The following SLC12A8 variants were observed in gnomAD, a reference collection of about 807,000 sequenced individuals.
SLC12A8 encodes the protein solute carrier family 12 member 8.
In SLC12A8, 69 loss-of-function variants were observed where a neutral mutation model predicts 75.6. The ratio of observed to expected loss-of-function variants is 0.91; its 90% CI spans 0.75 to 1.11. The LOEUF (loss-of-function observed/expected upper bound fraction) is 1.11. Ranked by LOEUF, SLC12A8 falls within the 50% of genes most tolerant of loss-of-function variation. The pLI, the probability that SLC12A8 is intolerant of heterozygous loss-of-function variation, is 0.00. For missense variants in SLC12A8, 877 were observed against 896.7 expected (o/e 0.98, Z 0.28); for synonymous variants, 365 against 372.8 (o/e 0.98, Z 0.24).
chr3:125,093,405 C>T (rs926031108), intron 10 of SLC12A8, among the ~76,000 whole-genome samples: 1 of 152,142 alleles, frequency 6.6e-6, no homozygotes, highest in African/African-American at 2.4e-5. Flanking sequence ...TTCTTCACTA[C>T]GGTCCAAATC....
chr3:125,180,425 GCTACCAC>G (rs1380758545), intron 4 of SLC12A8, among the ~76,000 whole-genome samples: 2 of 152,214 alleles, frequency 1.3e-5, no homozygotes, highest in Non-Finnish European at 2.9e-5. Context: ...AGAAACAATA[GCTACCAC>G]CTGTAATCCC....
intron 6 of SLC12A8, among the ~76,000 whole-genome samples, chr3:125,124,549 A>C (rs2945119): frequency 0.13 from 19,145 of 151,970 alleles, 1,531 homozygotes; most frequent in Admixed American, 0.17. Flanking sequence ...CTGGTCTCGA[A>C]CTCCTAACAT....
chr3:125,188,094 T>G (rs1163381402), intron 3 of SLC12A8, among the ~76,000 whole-genome samples: 2 of 151,188 alleles, frequency 1.3e-5, no homozygotes, highest in Non-Finnish European at 2.9e-5. Context: ...TGGTGGGAGG[T>G]GTTTGGGTCA....
intron 6 of SLC12A8, among the ~76,000 whole-genome samples, chr3:125,130,594 A>AAAAAAG (rs3061217): frequency 1.2e-4 from 15 of 122,264 alleles, no homozygotes; most frequent in African/African-American, 3.7e-4. Context: ...CCTGTCTTAA[A>AAAAAAG]AAAAAGAAAA....
intron 6 of SLC12A8, among the ~76,000 whole-genome samples, chr3:125,128,893 G>A (rs967889006): frequency 3.9e-5 from 6 of 152,196 alleles, no homozygotes; most frequent in Admixed American, 6.5e-5. Context: ...TAACAGCCGG[G>A]CTGAGGGGCC....
At chr3:125,180,021 T>G (rs561952044) in intron 4 of SLC12A8, among the ~76,000 whole-genome samples, 1 of 148,310 alleles carries the variant, frequency 6.7e-6, no homozygotes, top group Admixed American at 6.8e-5. Context: ...ATCCAAAGCT[T>G]CCAAACTGTT....
chr3:125,153,323 CA>C (rs1933975479), intron 5 of SLC12A8, among the ~76,000 whole-genome samples: 1 of 152,360 alleles, frequency 6.6e-6, no homozygotes, highest in East Asian at 1.9e-4. Context: ...ATTTCCTACT[CA>C]GCACCGCGTG....
At chr3:125,091,591 A>G in intron 11 of SLC12A8, 35 bp from the exon 12 acceptor site, 6 of 1,424,926 alleles carry the variant, frequency 4.2e-6, no homozygotes, top group Non-Finnish European at 6.0e-6. Context: ...AAATCACCTA[A>G]TGGCTTTCTA....
chr3:125,105,346 G>A (rs1280588324), intron 10 of SLC12A8, among the ~76,000 whole-genome samples: 1 of 152,164 alleles, frequency 6.6e-6, no homozygotes, highest in African/African-American at 2.4e-5. Flanking sequence ...TAAGACAACA[G>A]CTTTGTAGCA....
chr3:125,110,249 G>A lies in SLC12A8; in HGVS notation c.999C>T (p.Arg333=). ...TCTCCTGGGCAATGCACTGCAGGATGCGGGGAGCTCCATAAAGTCCTCCCA... is the reference window on the plus strand; with the variant it reads ...TCTCCTGGGCAATGCACTGCAGGATACGGGGAGCTCCATAAAGTCCTCCCA... ...SCMGGLYGAP[R]ILQCIAQEKV... The change falls in exon 9 of 14, where the codon CGC becomes CGT. Residue 333 remains arginine (R), a synonymous_variant. Transcript: ENST00000469902. The A allele has an allele frequency of 6.2e-7, 1 of 1,614,026 alleles. No individual in the cohort carries two copies. The highest frequency in any genetic ancestry group is 8.5e-7 in the Non-Finnish European group (1 of 1,179,888).
At chr3:125,084,196 A>G in intron 13 of SLC12A8, 144 bp from the exon 14 acceptor site, 3 of 647,810 alleles carry the variant, frequency 4.6e-6, no homozygotes, top group Non-Finnish European at 7.9e-6. Flanking sequence ...AGGTATATGT[A>G]CAGGTATATA....
intron 5 of SLC12A8, among the ~76,000 whole-genome samples, chr3:125,176,482 A>T (rs140798271): frequency 0.011 from 1,716 of 152,322 alleles, 39 homozygotes; most frequent in African/African-American, 0.037. Context: ...AATGGGATAC[A>T]ATTAAACTAA....
Position 125,088,418 on chromosome 3 carries a change from G to T in SLC12A8, c.1922-48C>A, listed in dbSNP as rs367987541. The T allele has an allele frequency of 1.2e-4, 182 of 1,549,888 alleles. 1 individual carries two copies. The highest frequency in any genetic ancestry group is 1.0e-3 in the African/African-American group (75 of 73,722). ...ACCATTTTTGAAGGTTCTACATAAG[G>T]CATCTAGAAGCTCAGTTTTAATAGG... On this transcript the variant is annotated intron_variant, in intron 12 of 13. Transcript: ENST00000469902.
intron 5 of SLC12A8, among the ~76,000 whole-genome samples, chr3:125,156,721 G>A (rs991087357): frequency 2.6e-5 from 4 of 152,070 alleles, no homozygotes; most frequent in African/African-American, 7.2e-5. Context: ...ACCCCACCTC[G>A]ACTGCATCAG....
intron 10 of SLC12A8, among the ~76,000 whole-genome samples, chr3:125,101,645 T>G (rs1005503729): frequency 6.6e-6 from 1 of 152,236 alleles, no homozygotes; most frequent in Admixed American, 6.5e-5. Flanking sequence ...AAATCTCTCT[T>G]GCACAGCTGT....
At chr3:125,191,225 A>T (rs780413566) in intron 2 of SLC12A8, among the ~76,000 whole-genome samples, 2 of 152,226 alleles carry the variant, frequency 1.3e-5, no homozygotes, top group Non-Finnish European at 2.9e-5. Flanking sequence ...TTGGAATCAG[A>T]GGCGAATAAT....
At chr3:125,128,402 G>C (rs1454482310) in intron 6 of SLC12A8, among the ~76,000 whole-genome samples, 1 of 141,640 alleles carries the variant, frequency 7.1e-6, no homozygotes, top group South Asian at 2.3e-4. Flanking sequence ...GGATGGTCTC[G>C]ATCTCCTGAC....
chr3:125,158,332 T>C (rs1934094356), intron 5 of SLC12A8, among the ~76,000 whole-genome samples: 2 of 152,144 alleles, frequency 1.3e-5, no homozygotes, highest in Non-Finnish European at 2.9e-5. Context: ...GCAATTCTCC[T>C]GCCTCAGCCT....
chr3:125,084,155 G>A, intron 13 of SLC12A8, 103 bp from the exon 14 acceptor site: 1 of 876,142 alleles, frequency 1.1e-6, no homozygotes, highest in East Asian at 2.7e-5. Flanking sequence ...AAACACACAT[G>A]TATTTAAATG....
Sources: allele counts gnomAD v4.1 joint callset (sites outside exome capture counted in the v4.1 genomes callset), GRCh38; gene constraint gnomAD v4.1.1; transcripts MANE v1.5; gene names NCBI Gene and HGNC (gene_info 2026-07-23, HGNC 2026-07-21).